Variants in FETUB observed in about 807,000 individuals in gnomAD.
FETUB encodes the protein fetuin B.
A neutral mutation model predicts 30.9 loss-of-function variants in FETUB; 28 were observed. The observed-to-expected ratio is 0.90, with a 90% CI of 0.67 to 1.24. The LOEUF (loss-of-function observed/expected upper bound fraction) is 1.24, where lower values mean the gene tolerates loss of function less well. Ranked by LOEUF, FETUB falls within the 50% of genes most tolerant of loss-of-function variation. The pLI, the probability that FETUB is intolerant of heterozygous loss-of-function variation, is 0.00. For synonymous variants in FETUB, 186 were observed against 175.9 expected (o/e 1.06, Z -0.45); for missense variants, 469 against 455.3 (o/e 1.03, Z -0.27).
At chr3:186,646,478 C>G in intron 5 of FETUB, 129 bp downstream of exon 5, 1 of 705,404 alleles carries the variant, frequency 1.4e-6, no homozygotes, top group South Asian at 1.7e-5. Flanking sequence ...GAGCATCTGA[C>G]TAGTTAGAGA....
chr3:186,638,874 T>C (rs1452499705), upstream of FETUB, among the ~76,000 whole-genome samples: 1 of 152,198 alleles, frequency 6.6e-6, no homozygotes, highest in Admixed American at 6.5e-5. Flanking sequence ...TGCCCCAGAA[T>C]CTGAATGTCT....
intron 5 of FETUB, among the ~76,000 whole-genome samples, chr3:186,649,066 C>A (rs548626123): frequency 6.6e-6 from 1 of 152,168 alleles, no homozygotes; most frequent in Admixed American, 6.5e-5. Context: ...CCAGGTAGGC[C>A]TATGAACTTT....
chr3:186,651,495 C>T lies in FETUB; in HGVS notation c.780+194C>T, dbSNP rs1453260816. On this transcript the variant is annotated intron_variant, in intron 6 of 6. Transcript: ENST00000265029. The stretch of plus-strand genomic sequence containing the variant: ...GCCTTGTTTCAGTCGCAATATGGTC[C>T]TGCAGAATAAGCAAGACAAATTCAG... 5 of 569,836 alleles carry T rather than the reference C, an allele frequency of 8.8e-6. No individual in the cohort carries two copies. In the African/African-American group the frequency reaches 9.4e-5, roughly 11 times the overall value. The allele number at this position is 569,836 out of a possible 1,614,324, so 35.3% of individuals were successfully genotyped here.
intron 5 of FETUB, chr3:186,647,205 G>A (rs566903784): frequency 6.6e-6 from 1 of 152,206 alleles, no homozygotes; most frequent in Admixed American, 6.5e-5. Flanking sequence ...AATTTATTAT[G>A]CAAATAATAT....
At chr3:186,645,820 T>C (rs1032773438) in intron 4 of FETUB, among the ~76,000 whole-genome samples, 6 of 141,552 alleles carry the variant, frequency 4.2e-5, no homozygotes, top group African/African-American at 1.3e-4. Context: ...TCCAACTCCC[T>C]GGTTCAAGGG....
intron 6 of FETUB, 138 bp downstream of exon 6, chr3:186,651,439 T>C (rs1718030256): frequency 1.5e-6 from 1 of 663,756 alleles, no homozygotes; most frequent in South Asian, 1.7e-5. Flanking sequence ...TGAGTCCACA[T>C]CCACAGGATA....
Position 186,640,563 on chromosome 3 carries a change from G to T in FETUB, c.103G>T (p.Gly35Cys). ...ALNPSALLSRGCNDSDVLAVA... is the reference protein window; with the variant it reads ...ALNPSALLSRCCNDSDVLAVA... ...CAACCCCTCGGCTCTGCTCTCCCGG[G>T]GCTGCAATGACTCAGATGTGCTGGC... Residue 35 changes from glycine to cysteine, a missense_variant, in exon 1 of 7, where the codon GGC (glycine) becomes TGC (cysteine). Physicochemically the swap from Gly to Cys is radical, Grantham distance 159. Transcript: ENST00000265029. The T allele has an allele frequency of 6.2e-7, 1 of 1,614,172 alleles. No individual in the cohort carries two copies. The highest frequency in any genetic ancestry group is 1.7e-5 in the Admixed American group (1 of 60,022).
chr3:186,636,579 A>T (rs867180411), upstream of FETUB, among the ~76,000 whole-genome samples: 2 of 152,126 alleles, frequency 1.3e-5, no homozygotes, highest in African/African-American at 4.8e-5. Flanking sequence ...TTTTCCACAC[A>T]TTGTCTAAAT....
chr3:186,639,648 T>C (rs1400309339), upstream of FETUB, among the ~76,000 whole-genome samples: 3 of 71,674 alleles, frequency 4.2e-5, no homozygotes, highest in Non-Finnish European at 7.8e-5. Context: ...GAATCACAAA[T>C]AGAAGCTAAA....
At position 186,646,349 on chromosome 3, in the gene FETUB, G is replaced by A; in HGVS notation, c.696G>A (p.Val232=). The A allele has an allele frequency of 6.2e-7, 1 of 1,607,388 alleles. No homozygotes were observed. Among genetic ancestry groups the A allele is most frequent in the East Asian group, 2.2e-5 (1 of 44,838 alleles). ...SSCSLQSSDS[V]PVGLCKGSLT... The stretch of plus-strand genomic sequence containing the variant: ...GTTCACTTCAGTCCTCCGACTCTGT[G>A]GTGAGTTTTCCTGAATGTCTTCATA... The change falls in exon 5 of 7, where the codon GTG becomes GTA. Residue 232 remains valine, a splice_region_variant and synonymous_variant. Coordinates refer to ENST00000265029, the MANE Select transcript of FETUB (RefSeq NM_014375.3).
At chr3:186,636,722 A>C (rs75217805), upstream of FETUB, among the ~76,000 whole-genome samples, 708 of 152,310 alleles carry the variant, frequency 4.6e-3, 13 homozygotes, top group African/African-American at 0.016. Flanking sequence ...TATCCCAATG[A>C]CAGAGGAGAC....
intron 3 of FETUB, 79 bp from the exon 4 acceptor site, chr3:186,644,672 C>T: frequency 8.7e-7 from 1 of 1,147,608 alleles, no homozygotes; most frequent in Non-Finnish European, 1.2e-6. Context: ...ACTTCCTCAC[C>T]CCATCCTTGC....
chr3:186,639,819 A>G (rs1365247647), upstream of FETUB, among the ~76,000 whole-genome samples: 1 of 152,210 alleles, frequency 6.6e-6, no homozygotes, highest in Non-Finnish European at 1.5e-5. Flanking sequence ...ATACAATGTG[A>G]GAACTTTTTA....
intron 2 of FETUB, among the ~76,000 whole-genome samples, 163 bp downstream of exon 2, chr3:186,641,303 C>G (rs1189671901): frequency 6.6e-6 from 1 of 152,178 alleles, no homozygotes; most frequent in East Asian, 1.9e-4. Flanking sequence ...CTAGACAGAA[C>G]AAAGTTTAAT....
intron 3 of FETUB, among the ~76,000 whole-genome samples, chr3:186,643,017 GA>G (rs1717196590): frequency 6.6e-6 from 1 of 152,088 alleles, no homozygotes; most frequent in Non-Finnish European, 1.5e-5. Context: ...CTGACCTTGG[GA>G]CACACCTATT....
Position 186,640,693 on chromosome 3 carries a change from G to A in FETUB, c.225+8G>A, listed in dbSNP as rs773913809. On this transcript the variant is annotated splice_region_variant and intron_variant, in intron 1 of 6. Transcript: ENST00000265029. ...GCCCAGGAATACAGACGGGCAAGTAGGGACAGTTCCCACTCTGGGGCAGGG... is the reference window on the plus strand; with the variant it reads ...GCCCAGGAATACAGACGGGCAAGTAAGGACAGTTCCCACTCTGGGGCAGGG... The A allele has an allele frequency of 1.2e-6, 2 of 1,609,874 alleles. No homozygotes were observed. Among genetic ancestry groups the A allele is most frequent in the South Asian group, 1.1e-5 (1 of 90,946 alleles).
chr3:186,643,643 A>G (rs1019137823), intron 3 of FETUB, among the ~76,000 whole-genome samples: 35 of 152,346 alleles, frequency 2.3e-4, no homozygotes, highest in African/African-American at 8.2e-4. Flanking sequence ...CAGTCTCAGG[A>G]CTTAAATGGA....
rs775749429 is a variant in FETUB at position 186,652,547 on chromosome 3, C to T, written c.1065C>T (p.Val355=). The T allele has an allele frequency of 2.5e-6, 4 of 1,613,932 alleles. No individual in the cohort carries two copies. Among genetic ancestry groups the T allele is most frequent in the African/African-American group, 2.7e-5 (2 of 74,902 alleles). The change falls in exon 7 of 7, where the codon GTC becomes GTT. Residue 355 remains valine (V), a synonymous_variant. Coordinates refer to ENST00000265029, the MANE Select transcript of FETUB (RefSeq NM_014375.3). ...AGCCTATGGAGGAGAAGCTGGTGGTCCTGCCTTTCCCCAAAGAAAAAGCAC... is the reference window on the plus strand; with the variant it reads ...AGCCTATGGAGGAGAAGCTGGTGGTTCTGCCTTTCCCCAAAGAAAAAGCAC... ...FLEPMEEKLV[V]LPFPKEKART... is the part of the protein sequence containing the mutation.
intron 3 of FETUB, 135 bp from the exon 4 acceptor site, chr3:186,644,616 C>T: frequency 4.7e-6 from 3 of 636,090 alleles, no homozygotes; most frequent in Non-Finnish European, 7.9e-6. Flanking sequence ...TTACAGAAAA[C>T]ACTGCTGACA....
Sources: allele counts gnomAD v4.1 joint callset (sites outside exome capture counted in the v4.1 genomes callset), GRCh38; gene constraint gnomAD v4.1.1; transcripts MANE v1.5; gene names NCBI Gene and HGNC (gene_info 2026-07-23, HGNC 2026-07-21).